Variants in RTN4R observed in about 807,000 individuals in gnomAD.
RTN4R encodes reticulon-4 receptor.
RTN4R carries 4 observed loss-of-function variants against 27.7 expected under a neutral mutation model. That is an observed-to-expected ratio of 0.14 (90% CI 0.07 to 0.33). The LOEUF (loss-of-function observed/expected upper bound fraction) is 0.33. Ranked by LOEUF, RTN4R falls within the 10% of genes least tolerant of loss-of-function variation. The probability of loss-of-function intolerance (pLI) is 1.00; values close to 1 mark genes in which losing one functional copy is unlikely to be tolerated. For synonymous variants in RTN4R, 290 were observed against 305.6 expected (o/e 0.95, Z 0.53); for missense variants, 554 against 671.5 (o/e 0.83, Z 1.93).
intron 1 of RTN4R, among the ~76,000 whole-genome samples, chr22:20,250,844 C>A (rs1428382374): frequency 6.7e-6 from 1 of 150,082 alleles, no homozygotes; most frequent in Admixed American, 6.6e-5. Flanking sequence ...ATTACACACA[C>A]ACACATGCAT....
At chr22:20,267,675 C>A (rs1009105374) in intron 1 of RTN4R, 3 of 464,138 alleles carry the variant, frequency 6.5e-6, no homozygotes, top group Non-Finnish European at 1.3e-5. Context: ...GACACCCCCA[C>A]CCACCCTCGG....
chr22:20,242,574 C>T lies in RTN4R; in HGVS notation c.559G>A (p.Gly187Ser), dbSNP rs770160195. 6.6e-5 allele frequency: 107 copies of T among 1,613,406 alleles called. 1 individual carries two copies. In the South Asian group the frequency reaches 7.4e-4, roughly 11 times the overall value. The change falls in exon 2 of 2, where the codon GGC becomes AGC. Residue 187 changes from glycine (G) to serine (S), a missense_variant. Physicochemically the swap from Gly to Ser is moderately conservative, Grantham distance 56. Coordinates refer to ENST00000043402, the MANE Select transcript of RTN4R (RefSeq NM_023004.6). ...LGNLTHLFLH[G>S]NRISSVPERA... Reference sequence around the variant, plus strand: ...TCGGGCACGCTGGAGATGCGGTTGCCGTGCAGGAAGAGGTGTGTGAGGTTG... The same window carrying T: ...TCGGGCACGCTGGAGATGCGGTTGCTGTGCAGGAAGAGGTGTGTGAGGTTG...
chr22:20,256,994 G>A (rs141707155), intron 1 of RTN4R, among the ~76,000 whole-genome samples: 55 of 152,340 alleles, frequency 3.6e-4, no homozygotes, highest in Non-Finnish European at 7.2e-4. Context: ...TGTTTCTGTC[G>A]GTTGAGGCAC....
At chr22:20,259,260 T>C (rs2051230669) in intron 1 of RTN4R, among the ~76,000 whole-genome samples, 1 of 152,210 alleles carries the variant, frequency 6.6e-6, no homozygotes, top group South Asian at 2.1e-4. Context: ...GTCTCAGCCA[T>C]GACGGGTCCT....
chr22:20,258,590 C>T (rs1421597142), intron 1 of RTN4R, among the ~76,000 whole-genome samples: 1 of 152,208 alleles, frequency 6.6e-6, no homozygotes, highest in Non-Finnish European at 1.5e-5. Flanking sequence ...CGGTGGACCC[C>T]CAGGCAGAAA....
chr22:20,252,137 T>C (rs1269238741), intron 1 of RTN4R, among the ~76,000 whole-genome samples: 1 of 151,980 alleles, frequency 6.6e-6, no homozygotes, highest in Admixed American at 6.5e-5. Flanking sequence ...ACTATCATCA[T>C]CACCATCCTC....
intron 1 of RTN4R, among the ~76,000 whole-genome samples, chr22:20,251,030 G>A (rs1338790961): frequency 3.9e-5 from 6 of 152,348 alleles, no homozygotes; most frequent in African/African-American, 1.2e-4. Flanking sequence ...TTTAACTGAG[G>A]TAGGGGGTCT....
chr22:20,241,580 A>T lies in RTN4R; in HGVS notation c.*131T>A. On this transcript the variant is annotated 3_prime_UTR_variant, in exon 2 of 2. Coordinates refer to ENST00000043402, the MANE Select transcript of RTN4R (RefSeq NM_023004.6). The stretch of plus-strand genomic sequence containing the variant: ...GGTGGAGATGGGGGTGGCGGGCGGC[A>T]GGCGTCCATCAGGGAGGACCTGGCC... The T allele has an allele frequency of 1.0e-6, 1 of 953,670 alleles. No individual in the cohort carries two copies. The highest frequency in any genetic ancestry group is 1.6e-6 in the Non-Finnish European group (1 of 635,500). 59.1% of individuals were successfully genotyped at this position (953,670 alleles called of 1,614,324 possible).
At chr22:20,267,234 A>G (rs1409352815) in intron 1 of RTN4R, among the ~76,000 whole-genome samples, 1 of 152,214 alleles carries the variant, frequency 6.6e-6, no homozygotes, top group Non-Finnish European at 1.5e-5. Flanking sequence ...CCGTGTAGAC[A>G]AGTGCACGTG....
chr22:20,264,578 A>G (rs1201887388), intron 1 of RTN4R, among the ~76,000 whole-genome samples: 1 of 152,216 alleles, frequency 6.6e-6, no homozygotes, highest in Non-Finnish European at 1.5e-5. Flanking sequence ...GAGTGAATGA[A>G]TGAACAAATG....
intron 1 of RTN4R, among the ~76,000 whole-genome samples, chr22:20,267,170 C>T (rs2051282620): frequency 6.6e-6 from 1 of 152,268 alleles, no homozygotes; most frequent in African/African-American, 2.4e-5. Flanking sequence ...TGTGCATGTG[C>T]ACACTGGGGC....
At chr22:20,254,385 T>G (rs1400179400) in intron 1 of RTN4R, among the ~76,000 whole-genome samples, 1 of 150,926 alleles carries the variant, frequency 6.6e-6, no homozygotes, top group African/African-American at 2.4e-5. Flanking sequence ...GCCATGATCA[T>G]GCCACTGCAC....
intron 1 of RTN4R, among the ~76,000 whole-genome samples, chr22:20,247,497 C>T (rs180880810): frequency 3.4e-4 from 48 of 141,304 alleles, no homozygotes; most frequent in Admixed American, 3.3e-3. Context: ...ATCTGTCCCC[C>T]GATCCTCGCT....
chr22:20,266,886 G>A (rs1219525313), intron 1 of RTN4R, among the ~76,000 whole-genome samples: 3 of 152,246 alleles, frequency 2.0e-5, no homozygotes, highest in Non-Finnish European at 4.4e-5. Context: ...TTACACACAC[G>A]CACACAAGCC....
Position 20,242,027 on chromosome 22 carries a change from G to A in RTN4R, c.1106C>T (p.Pro369Leu), listed in dbSNP as rs761867072. The change falls in exon 2 of 2, where the codon CCG becomes CTG. Residue 369 changes from proline to leucine, a missense_variant. Pro to Leu is a moderately conservative substitution (Grantham distance 98). This residue lies in a region of RTN4R where 413 missense variants were observed against 542.3 expected (regional missense o/e 0.76). Coordinates refer to ENST00000043402, the MANE Select transcript of RTN4R (RefSeq NM_023004.6). ...LKGRVPPGDS[P>L]PGNGSGPRHI... ...CCGTGGGCCAGAGCCGTTGCCCGGC[G>A]GGCTGTCACCGGGCGGCACGCGTCC... is the stretch of plus-strand genomic sequence containing the variant. 24 of 1,611,724 alleles carry A rather than the reference G, an allele frequency of 1.5e-5. 1 individual carries two copies. The highest frequency in any genetic ancestry group is 8.8e-5 in the South Asian group (8 of 91,070).
chr22:20,253,864 G>T (rs1438792192), intron 1 of RTN4R, among the ~76,000 whole-genome samples: 2 of 151,928 alleles, frequency 1.3e-5, no homozygotes, highest in African/African-American at 4.8e-5. Flanking sequence ...ATCAATACAA[G>T]TGTTAGAAAA....
intron 1 of RTN4R, among the ~76,000 whole-genome samples, chr22:20,261,531 AG>A (rs766640429): frequency 6.6e-6 from 1 of 152,170 alleles, no homozygotes; most frequent in African/African-American, 2.4e-5. Flanking sequence ...GGAGGCTCAG[AG>A]GGTAGGTGGC....
chr22:20,261,759 T>C (rs111900219), intron 1 of RTN4R, among the ~76,000 whole-genome samples: 3 of 152,212 alleles, frequency 2.0e-5, no homozygotes, highest in African/African-American at 7.2e-5. Context: ...TTCATGGCTT[T>C]CTGCATCCTC....
chr22:20,243,194 G>A (rs781148278), intron 1 of RTN4R, 84 bp from the exon 2 acceptor site: 16 of 1,400,902 alleles, frequency 1.1e-5, no homozygotes, highest in South Asian at 5.0e-5. Flanking sequence ...GGTGGGCCCC[G>A]GAGATTGGGT....
Sources: allele counts gnomAD v4.1 joint callset (sites outside exome capture counted in the v4.1 genomes callset), GRCh38; gene constraint gnomAD v4.1.1; regional missense constraint gnomAD v4.1.1; transcripts MANE v1.5; gene names NCBI Gene and HGNC (gene_info 2026-07-23, HGNC 2026-07-21).